BCAS3: variants seen among roughly 807,000 people sequenced by gnomAD.
BCAS3 encodes the protein BCAS3 microtubule associated cell migration factor.
BCAS3 carries 53 observed loss-of-function variants against 116.1 expected under a neutral mutation model. That is an observed-to-expected ratio of 0.46 (90% CI 0.37 to 0.57). BCAS3 has a LOEUF of 0.57. BCAS3 is among the 20% of genes least tolerant of loss of function. The pLI is 0.00. For synonymous variants in BCAS3, 391 were observed against 408.2 expected, an observed-to-expected ratio of 0.96 and a Z score of 0.51; for missense variants, 917 against 1,165.4, an observed-to-expected ratio of 0.79 and a Z score of 3.10.
Position 61,388,251 on chromosome 17 carries a change from T to C in BCAS3, c.2594-3726T>C. ...CTGAAAACTGCAGTCTGTTTCCCTGTCCTCCTCCAGCAACCCACCTGCATG... is the reference window on the plus strand; with the variant it reads ...CTGAAAACTGCAGTCTGTTTCCCTGCCCTCCTCCAGCAACCCACCTGCATG... On this transcript the variant is annotated intron_variant, in intron 23 of 23. Coordinates refer to ENST00000407086, the MANE Select transcript of BCAS3 (RefSeq NM_017679.5). This position sits in a 1 kb window ranked among gnomAD's most constrained non-coding sequence, Gnocchi z 6.5. The C allele has an allele frequency of 4.6e-6, 1 of 216,522 alleles. No individual in the cohort carries two copies. The allele number at this position is 216,522 out of a possible 1,614,324, so 13.4% of individuals were successfully genotyped here.
At chr17:60,886,495 C>T (rs1242363142) in intron 9 of BCAS3, 1 of 152,186 alleles carries the variant, frequency 6.6e-6, no homozygotes, top group African/African-American at 2.4e-5. Context: ...TGAGGAACTG[C>T]GTTCCTTTGG....
chr17:60,753,740 T>C lies in BCAS3; in HGVS notation c.403+6461T>C, dbSNP rs77349592. Among the ~76,000 whole-genome samples the C allele has an allele frequency of 2.0e-3, 304 of 152,294 alleles. 2 individuals carry two copies. The highest frequency in any genetic ancestry group is 6.8e-3 in the African/African-American group (284 of 41,556). The stretch of plus-strand genomic sequence containing the variant: ...TCTTATTTTATTACATTTTCCATAT[T>C]GTTGATGGTCAGGAAGTAGTTCTTC... On this transcript the variant is annotated intron_variant, in intron 6 of 23. Coordinates refer to ENST00000407086, the MANE Select transcript of BCAS3 (RefSeq NM_017679.5).
chr17:61,039,713 G>A (rs1178278693), intron 18 of BCAS3, among the ~76,000 whole-genome samples: 4 of 152,050 alleles, frequency 2.6e-5, no homozygotes, highest in Non-Finnish European at 2.9e-5. Flanking sequence ...GAGCCACCGC[G>A]CCGGCCCATG....
chr17:60,774,063 C>A (rs1389511663), intron 6 of BCAS3, among the ~76,000 whole-genome samples: 1 of 152,120 alleles, frequency 6.6e-6, no homozygotes, highest in Non-Finnish European at 1.5e-5. Context: ...TTTTACAAAC[C>A]GTATTAAAAT....
intron 22 of BCAS3, among the ~76,000 whole-genome samples, chr17:61,263,203 G>T (rs2049380548): frequency 6.6e-6 from 1 of 152,174 alleles, no homozygotes; most frequent in Admixed American, 6.5e-5. Flanking sequence ...AACCAACAGG[G>T]GAAGGTGAGG....
intron 22 of BCAS3, among the ~76,000 whole-genome samples, chr17:61,108,937 C>T (rs768050224): frequency 5.3e-5 from 8 of 152,104 alleles, no homozygotes; most frequent in Non-Finnish European, 8.8e-5. Context: ...CCTGTAATCC[C>T]GGCACTTTAG....
rs1251040367 is a variant in BCAS3 at position 61,084,560 on chromosome 17, C to T, written c.2421C>T (p.Ala807=). The change falls in exon 22 of 24, where the codon GCC becomes GCT. Residue 807 remains alanine (A), a synonymous_variant. Coordinates refer to ENST00000407086, the MANE Select transcript of BCAS3 (RefSeq NM_017679.5). This position sits in a 1 kb window ranked among gnomAD's most constrained non-coding sequence, Gnocchi z 5.5. The stretch of plus-strand genomic sequence containing the variant: ...GAGTTTCCACAGTGATTGATGCTGC[C>T]TCAGGTAGAAAACCACCTCTGAAAT... ...RRGVSTVIDA[A]SGTFDRSVTL... 2 of 1,612,592 alleles carry T rather than the reference C, an allele frequency of 1.2e-6. No individual in the cohort carries two copies. The highest frequency in any genetic ancestry group is 2.2e-5 in the South Asian group (2 of 91,020).
At chr17:61,016,079 C>A (rs2145534969) in intron 16 of BCAS3, among the ~76,000 whole-genome samples, 178 bp downstream of exon 16, 1 of 152,310 alleles carries the variant, frequency 6.6e-6, no homozygotes, top group African/African-American at 2.4e-5. Context: ...TACTTGCACA[C>A]AACCATGTAT....
intron 6 of BCAS3, among the ~76,000 whole-genome samples, chr17:60,805,555 C>T (rs1263572360): frequency 2.0e-5 from 3 of 152,136 alleles, no homozygotes; most frequent in Non-Finnish European, 4.4e-5. Flanking sequence ...CGGCTGGGCG[C>T]GGTGGCTCAC....
intron 7 of BCAS3, among the ~76,000 whole-genome samples, chr17:60,861,550 G>C (rs2054159739): frequency 6.6e-6 from 1 of 152,142 alleles, no homozygotes; most frequent in South Asian, 2.1e-4. Flanking sequence ...GGTGAGAGTA[G>C]GCGTCTTTGT....
chr17:61,344,818 T>C lies in BCAS3; in HGVS notation c.2426-23509T>C, dbSNP rs549600058. ...CCATGGGAAGCCAGCAGGGCCCAGG[T>C]CATTAAGTAAGGGACAACCATGGCG... On this transcript the variant is annotated intron_variant, in intron 22 of 23. Transcript: ENST00000407086. The surrounding 1 kb of genome is among the most constrained non-coding windows in gnomAD (Gnocchi z 4.1). 2.0e-5 allele frequency among the ~76,000 whole-genome samples: 3 copies of C among 151,962 alleles called. No homozygotes were observed. The South Asian group carries it at 6.3e-4, about 32-fold the overall frequency.
chr17:60,911,727 G>A (rs2058526917), intron 12 of BCAS3, among the ~76,000 whole-genome samples: 2 of 152,172 alleles, frequency 1.3e-5, no homozygotes, highest in African/African-American at 2.4e-5. Context: ...GAGCCACTGC[G>A]CCCAGCCACG....
intron 14 of BCAS3, among the ~76,000 whole-genome samples, chr17:60,978,629 G>C (rs1448502459): frequency 6.6e-6 from 1 of 152,072 alleles, no homozygotes; most frequent in Non-Finnish European, 1.5e-5. Context: ...GGTTTTTATG[G>C]TTTTAGGTCT....
In BCAS3 at chr17:61,156,270, G is replaced by A. The variant is rs1013607170; in HGVS notation, c.2425+71706G>A. 7.9e-5 allele frequency among the ~76,000 whole-genome samples: 12 copies of A among 152,062 alleles called. No individual in the cohort carries two copies. The highest frequency in any genetic ancestry group is 2.9e-4 in the African/African-American group (12 of 41,392). On this transcript the variant is annotated intron_variant, in intron 22 of 23. Transcript: ENST00000407086. The surrounding 1 kb of genome is among the most constrained non-coding windows in gnomAD (Gnocchi z 4.7). ...TATTCATTTTGGTCTTCTTTTCAGG[G>A]ATTGGAATTGAGCCTGGTAAAATTC...
chr17:61,280,807 C>G (rs902586490), intron 22 of BCAS3, among the ~76,000 whole-genome samples: 6 of 152,182 alleles, frequency 3.9e-5, no homozygotes, highest in Admixed American at 2.0e-4. Flanking sequence ...CAGTTCTCTT[C>G]ACACATGCCT....
chr17:60,989,106 T>C (rs957173047), intron 14 of BCAS3, among the ~76,000 whole-genome samples: 1 of 152,196 alleles, frequency 6.6e-6, no homozygotes, highest in Non-Finnish European at 1.5e-5. Context: ...TTTATTCTAC[T>C]GTGCTTTTTC....
At chr17:60,684,570 A>G (rs755441767) in intron 3 of BCAS3, among the ~76,000 whole-genome samples, 10 of 152,008 alleles carry the variant, frequency 6.6e-5, no homozygotes, top group Non-Finnish European at 1.5e-4. Context: ...TATCTAGTAT[A>G]CTATTGCCAA....
At chr17:61,209,168 A>T (rs2081314086) in intron 22 of BCAS3, among the ~76,000 whole-genome samples, 1 of 128,356 alleles carries the variant, frequency 7.8e-6, no homozygotes, top group Non-Finnish European at 1.7e-5. Context: ...GGCCACCCCG[A>T]AACAACAGCT....
At chr17:60,968,400 T>G (rs530224274) in intron 14 of BCAS3, among the ~76,000 whole-genome samples, 26 of 152,082 alleles carry the variant, frequency 1.7e-4, no homozygotes, top group East Asian at 9.7e-4. Flanking sequence ...AAGAATTTTT[T>G]TTGTTGTTGT....
Sources: gnomAD v4.1 joint callset for allele counts (sites outside exome capture counted in the v4.1 genomes callset) on GRCh38, gnomAD v4.1.1 for gene constraint, Gnocchi (gnomAD v3.1) non-coding constraint, MANE v1.5 for transcripts, NCBI Gene and HGNC (gene_info 2026-07-23, HGNC 2026-07-21) for gene names.